Variants in LRRK2 observed in about 807,000 individuals in gnomAD.
LRRK2 encodes the protein leucine-rich repeat serine/threonine-protein kinase 2.
LRRK2 carries 203 observed loss-of-function variants against 302.6 expected under a neutral mutation model. That is an observed-to-expected ratio of 0.67 (90% CI 0.60 to 0.75). The LOEUF (loss-of-function observed/expected upper bound fraction) is 0.75, where lower values mean the gene tolerates loss of function less well. Ranked by LOEUF, LRRK2 falls within the 30% of genes least tolerant of loss-of-function variation. The probability of loss-of-function intolerance (pLI) is 0.00; values close to 1 mark genes in which losing one functional copy is unlikely to be tolerated. For synonymous variants in LRRK2, 1,066 were observed against 1,031.9 expected (o/e 1.03, Z -0.63); for missense variants, 2,830 against 2,951.0 (o/e 0.96, Z 0.95).
At chr12:40,267,595 G>T (rs982130949) in intron 14 of LRRK2, among the ~76,000 whole-genome samples, 4 of 152,108 alleles carry the variant, frequency 2.6e-5, no homozygotes, top group Non-Finnish European at 5.9e-5. Context: ...AAATCACTTT[G>T]TTCCAACTGA....
At position 40,302,852 on chromosome 12, in the gene LRRK2, G is replaced by A; in HGVS notation, c.3560G>A (p.Cys1187Tyr). ...ILKLSQNKFS[C>Y]IPEAILNLPH... ...AAATTATCTCAGAACAAATTTTCCTGTATTCCAGAAGCAATTTTAAATCTT... is the reference window on the plus strand; with the variant it reads ...AAATTATCTCAGAACAAATTTTCCTATATTCCAGAAGCAATTTTAAATCTT... Residue 1187 changes from cysteine (C) to tyrosine (Y), a missense_variant, in exon 26 of 51, where the codon TGT (cysteine) becomes TAT (tyrosine). Cys to Tyr is a radical substitution (Grantham distance 194). This residue lies in a region of LRRK2 where 2,121 missense variants were observed against 2,148.0 expected (regional missense o/e 0.99). Coordinates refer to ENST00000298910, the MANE Select transcript of LRRK2 (RefSeq NM_198578.4). The A allele has an allele frequency of 6.2e-7, 1 of 1,608,692 alleles. No individual in the cohort carries two copies. The highest frequency in any genetic ancestry group is 8.5e-7 in the Non-Finnish European group (1 of 1,175,762).
chr12:40,305,664 T>G (rs891473397), intron 27 of LRRK2, 121 bp from the exon 28 acceptor site: 4 of 855,540 alleles, frequency 4.7e-6, no homozygotes, highest in Non-Finnish European at 7.8e-6. Flanking sequence ...AAAACTCTGT[T>G]GAAAGGTTGT....
chr12:40,352,446 C>T (rs1946380712), intron 44 of LRRK2, among the ~76,000 whole-genome samples: 1 of 127,000 alleles, frequency 7.9e-6, no homozygotes, highest in Admixed American at 8.4e-5. Flanking sequence ...TGTGCCTCAA[C>T]ATTAGTTCTG....
At chr12:40,364,018 A>C (rs1368556604) in intron 48 of LRRK2, among the ~76,000 whole-genome samples, 2 of 152,044 alleles carry the variant, frequency 1.3e-5, no homozygotes, top group African/African-American at 2.4e-5. Context: ...GAATGAGAGC[A>C]TAGTGCTTAG....
intron 38 of LRRK2, among the ~76,000 whole-genome samples, chr12:40,324,851 A>G (rs2136900751): frequency 6.6e-6 from 1 of 152,364 alleles, no homozygotes; most frequent in South Asian, 2.1e-4. Flanking sequence ...ACAGGAAAGT[A>G]CCAGACATGG....
In LRRK2 at chr12:40,340,443, A is replaced by T. The variant is rs759944574; in HGVS notation, c.6098A>T (p.Glu2033Val). 2 of 1,613,836 alleles carry T rather than the reference A, an allele frequency of 1.2e-6. No homozygotes were observed. The highest frequency in any genetic ancestry group is 1.7e-6 in the Non-Finnish European group (2 of 1,179,792). ...YCCRMGIKTSEGTPGFRAPEV... is the reference protein window; with the variant it reads ...YCCRMGIKTSVGTPGFRAPEV... ...TGTAGAATGGGGATAAAAACATCAG[A>T]GGGCACACCAGGTAGGTGATCAGGT... Residue 2033 changes from glutamate (E) to valine (V), a missense_variant, in exon 41 of 51, where the codon GAG (glutamate) becomes GTG (valine). Physicochemically the swap from Glu to Val is moderately radical, Grantham distance 121. Coordinates refer to ENST00000298910, the MANE Select transcript of LRRK2 (RefSeq NM_198578.4).
rs577668036 is a variant in LRRK2, at chr12:40,306,293, A to G, written c.3959+327A>G. On this transcript the variant is annotated intron_variant, in intron 28 of 50. Coordinates refer to ENST00000298910, the MANE Select transcript of LRRK2 (RefSeq NM_198578.4). ...TACACAATCTAAAGAAATACAGCAC[A>G]GTATAATAACTTCTCACACTGTATT... Among the ~76,000 whole-genome samples the G allele has an allele frequency of 4.7e-5, 7 of 150,498 alleles. No individual in the cohort carries two copies. In the East Asian group the frequency reaches 1.4e-3, roughly 29 times the overall value.
intron 41 of LRRK2, among the ~76,000 whole-genome samples, chr12:40,346,550 G>A (rs1946195325): frequency 1.3e-5 from 2 of 152,130 alleles, no homozygotes; most frequent in East Asian, 1.9e-4. Context: ...ATTGTCCTGT[G>A]TGGTCAACCT....
At chr12:40,308,735 A>G (rs531746871) in intron 29 of LRRK2, 39 bp downstream of exon 29, 2 of 1,578,096 alleles carry the variant, frequency 1.3e-6, no homozygotes, top group African/African-American at 2.7e-5. Flanking sequence ...CACTTTTACC[A>G]TTTGTTTGGA....
chr12:40,225,461 C>A (rs1377713082), intron 1 of LRRK2, 94 bp from the exon 2 acceptor site: 2 of 1,321,228 alleles, frequency 1.5e-6, no homozygotes, highest in Non-Finnish European at 2.2e-6. Flanking sequence ...AAGGTCTTCA[C>A]CTTTTTGACT....
In LRRK2 at chr12:40,368,380, T is replaced by A. The variant is rs201422404; in HGVS notation, c.*615T>A. The A allele has an allele frequency of 1.3e-5, 2 of 151,892 alleles. No individual in the cohort carries two copies. Among genetic ancestry groups the A allele is most frequent in the African/African-American group, 2.4e-5 (1 of 41,418 alleles). 9.4% of individuals were successfully genotyped at this position (151,892 alleles called of 1,614,324 possible). On this transcript the variant is annotated 3_prime_UTR_variant, in exon 51 of 51. Transcript: ENST00000298910. Reference sequence around the variant, plus strand: ...CAAAAGAAAACTCCATTAAAAGTACTAATGAAAAAACATGACATACTGTCA... The same window carrying A: ...CAAAAGAAAACTCCATTAAAAGTACAAATGAAAAAACATGACATACTGTCA...
At chr12:40,225,399 C>T in intron 1 of LRRK2, 117 bp downstream of exon 1, 1 of 1,333,384 alleles carries the variant, frequency 7.5e-7, no homozygotes, top group South Asian at 1.2e-5. Context: ...CTTAAGGAGC[C>T]GCAAACTCCC....
rs1328740356 is a variant in LRRK2 at position 40,369,236 on chromosome 12, AT to A, written c.*1472del. 3 of 151,844 alleles carry A rather than the reference AT, an allele frequency of 2.0e-5. No individual in the cohort carries two copies. Among genetic ancestry groups the A allele is most frequent in the African/African-American group, 4.8e-5 (2 of 41,406 alleles). 9.4% of individuals were successfully genotyped at this position (151,844 alleles called of 1,614,324 possible). A position where few individuals can be genotyped will look rare whatever the true frequency, so the allele number is the denominator to read the frequency against. On this transcript the variant is annotated 3_prime_UTR_variant, in exon 51 of 51. Transcript: ENST00000298910. ...TTTTTACCAAAGACAAATTAAAAAA[AT>A]GAATACCATATTTAAATGGAATAAT...
chr12:40,320,432 G>T (rs1945366724), intron 34 of LRRK2, among the ~76,000 whole-genome samples: 1 of 151,918 alleles, frequency 6.6e-6, no homozygotes, highest in South Asian at 2.1e-4. Context: ...TTTAAGAAAG[G>T]TAAATAGTGG....
rs1288299105 is a variant in LRRK2, at chr12:40,368,536, G to A, written c.*771G>A. On this transcript the variant is annotated 3_prime_UTR_variant, in exon 51 of 51. Coordinates refer to ENST00000298910, the MANE Select transcript of LRRK2 (RefSeq NM_198578.4). ...GGATACCCTGAATTTTGTATAATTA[G>A]TGTAAATACAGTGTTCAGTCCTTCA... The A allele has an allele frequency of 6.6e-6, 1 of 151,720 alleles. No homozygotes were observed. The highest frequency in any genetic ancestry group is 1.5e-5 in the Non-Finnish European group (1 of 67,716). The allele number at this position is 151,720 out of a possible 1,614,324, so 9.4% of individuals were successfully genotyped here. A position where few individuals can be genotyped will look rare whatever the true frequency, so the allele number is the denominator to read the frequency against.
chr12:40,341,553 A>G (rs1171225365), intron 41 of LRRK2, among the ~76,000 whole-genome samples: 1 of 152,210 alleles, frequency 6.6e-6, no homozygotes, highest in East Asian at 1.9e-4. Context: ...TTCAATAATA[A>G]TAAGACTAAT....
rs549989572 is a variant in LRRK2, at chr12:40,273,085, A to T, written c.1657-1498A>T. Among the ~76,000 whole-genome samples, 3 of 152,256 alleles carry T rather than the reference A, an allele frequency of 2.0e-5. No individual in the cohort carries two copies. In the East Asian group the frequency reaches 5.8e-4, roughly 29 times the overall value. ...GCTTATAACAACCCTACATTATTAG[A>T]ATTGTTTTAGAGATGAGGAAGCTGA... On this transcript the variant is annotated intron_variant, in intron 14 of 50. Coordinates refer to ENST00000298910, the MANE Select transcript of LRRK2 (RefSeq NM_198578.4).
intron 33 of LRRK2, among the ~76,000 whole-genome samples, chr12:40,315,544 C>T (rs1945189507): frequency 6.6e-6 from 1 of 151,944 alleles, no homozygotes; most frequent in South Asian, 2.1e-4. Context: ...TATCACTCTG[C>T]CCCATGCTGC....
At position 40,359,420 on chromosome 12, in the gene LRRK2, T is replaced by C. The variant is rs747522722; in HGVS notation, c.7004T>C (p.Leu2335Pro). Residue 2335 changes from leucine (L) to proline (P), a missense_variant, in exon 47 of 51, where the codon CTC (leucine) becomes CCC (proline). By Grantham distance (98) the Leu-to-Pro change is moderately conservative (BLOSUM62 -3). This residue lies in a region of LRRK2 where 456 missense variants were observed against 456.3 expected (regional missense o/e 1.00). Transcript: ENST00000298910. The stretch of plus-strand genomic sequence containing the variant: ...TCTAATGATTTCACCATTCAGAAAC[T>C]CATTGAGACAAGAACAAGCCAACTG... ...SFSNDFTIQK[L>P]IETRTSQLFS... is the part of the protein sequence containing the mutation. 1.2e-6 allele frequency: 2 copies of C among 1,613,294 alleles called. No homozygotes were observed. Among genetic ancestry groups the C allele is most frequent in the South Asian group, 2.2e-5 (2 of 91,050 alleles).
Sources: gnomAD v4.1 joint callset for allele counts (sites outside exome capture counted in the v4.1 genomes callset) on GRCh38, gnomAD v4.1.1 for gene constraint, gnomAD v4.1.1 regional missense constraint, MANE v1.5 for transcripts, NCBI Gene and HGNC (gene_info 2026-07-23, HGNC 2026-07-21) for gene names.